The following CCDC66 variants were observed in gnomAD, a reference collection of about 807,000 sequenced individuals.
The protein encoded by CCDC66 is coiled-coil domain containing 66, also known as coiled-coil domain-containing protein 66.
CCDC66 carries 133 observed loss-of-function variants against 128.3 expected under a neutral mutation model. The ratio of observed to expected loss-of-function variants is 1.04; its 90% CI spans 0.90 to 1.20. The LOEUF (loss-of-function observed/expected upper bound fraction) is 1.20. Among genes scored for constraint, CCDC66 ranks in the 50% most tolerant of loss-of-function variants. The pLI, the probability that CCDC66 is intolerant of heterozygous loss-of-function variation, is 0.00. For synonymous variants in CCDC66, 387 were observed against 357.0 expected (o/e 1.08, Z -0.95); for missense variants, 1,126 against 1,075.5 (o/e 1.05, Z -0.66).
Position 56,567,027 on chromosome 3 carries a change from A to G in CCDC66, c.788A>G (p.Lys263Arg), listed in dbSNP as rs1559614052. ...RECDRSSLEA[K>R]KAQWRKELDE... Reference sequence around the variant, plus strand: ...TGTGATAGAAGTTCGTTGGAAGCAAAAAAAGCCCAGTGGAGGAAAGAGCTA... The same window carrying G: ...TGTGATAGAAGTTCGTTGGAAGCAAGAAAAGCCCAGTGGAGGAAAGAGCTA... The change falls in exon 6 of 18, where the codon AAA becomes AGA. Residue 263 changes from lysine (K) to arginine (R), a missense_variant. By Grantham distance (26) the Lys-to-Arg change is conservative. Transcript: ENST00000394672. 6 of 1,614,028 alleles carry G rather than the reference A, an allele frequency of 3.7e-6. No individual in the cohort carries two copies. The highest frequency in any genetic ancestry group is 3.3e-5 in the South Asian group (3 of 91,078).
chr3:56,578,250 A>G (rs2067719466), intron 7 of CCDC66, among the ~76,000 whole-genome samples: 1 of 151,742 alleles, frequency 6.6e-6, no homozygotes, highest in Admixed American at 6.6e-5. Context: ...ATTTTTGCAC[A>G]TTGATTTTGT....
At chr3:56,589,312 CA>C (rs988540270) in intron 7 of CCDC66, among the ~76,000 whole-genome samples, 1 of 152,128 alleles carries the variant, frequency 6.6e-6, no homozygotes, top group Non-Finnish European at 1.5e-5. Context: ...AAAAACCCAA[CA>C]AAATAAACTC....
At chr3:56,562,814 AT>A (rs573450400) in intron 3 of CCDC66, among the ~76,000 whole-genome samples, 219 of 137,724 alleles carry the variant, frequency 1.6e-3, no homozygotes, top group Non-Finnish European at 1.5e-3. Flanking sequence ...AATTTTTTGT[AT>A]TTTTTTTTTT....
chr3:56,604,577 T>C (rs981371460), intron 10 of CCDC66, among the ~76,000 whole-genome samples: 1 of 145,428 alleles, frequency 6.9e-6, no homozygotes, highest in South Asian at 2.2e-4. Flanking sequence ...TTGAAAATTC[T>C]TTTTTTTTTT....
chr3:56,583,082 G>A (rs917380943), intron 7 of CCDC66, among the ~76,000 whole-genome samples: 2 of 151,336 alleles, frequency 1.3e-5, no homozygotes, highest in Non-Finnish European at 2.9e-5. Flanking sequence ...GCTCAGGCTG[G>A]TCTCAAACTC....
chr3:56,586,529 CAAAAAAAA>C (rs148996363), intron 7 of CCDC66, among the ~76,000 whole-genome samples: 169 of 130,628 alleles, frequency 1.3e-3, no homozygotes, highest in African/African-American at 4.5e-3. Context: ...GACTCTTTCT[CAAAAAAAA>C]AAAAAGAAAA....
chr3:56,615,922 T>C lies in CCDC66; in HGVS notation c.1712T>C (p.Val571Ala), dbSNP rs369681089. 5 of 1,590,750 alleles carry C rather than the reference T, an allele frequency of 3.1e-6. No individual in the cohort carries two copies. Among genetic ancestry groups the C allele is most frequent in the Non-Finnish European group, 3.4e-6 (4 of 1,168,324 alleles). Reference protein sequence around the residue: ...DTSRLIKNLGVDTIQMEYNAS... With the variant: ...DTSRLIKNLGADTIQMEYNAS... The stretch of plus-strand genomic sequence containing the variant: ...TTATCAGGTGATTTCTCTTTGCCAG[T>C]TGATACAATACAAATGGAATATAAT... The change falls in exon 13 of 18, where the codon GTT (valine) becomes GCT (alanine). Residue 571 changes from valine (V) to alanine (A), a missense_variant and splice_region_variant. Val to Ala is a moderately conservative substitution (Grantham distance 64, BLOSUM62 0). Transcript: ENST00000394672.
At chr3:56,579,272 A>T (rs1000654793) in intron 7 of CCDC66, among the ~76,000 whole-genome samples, 2 of 151,550 alleles carry the variant, frequency 1.3e-5, no homozygotes, top group Non-Finnish European at 2.9e-5. Flanking sequence ...ATCATTTTTT[A>T]TTGCATCTAT....
chr3:56,608,804 T>C (rs1325175448), intron 10 of CCDC66, among the ~76,000 whole-genome samples: 1 of 152,222 alleles, frequency 6.6e-6, no homozygotes, highest in African/African-American at 2.4e-5. Context: ...ATAGGTTGTG[T>C]CATTACTGTC....
intron 10 of CCDC66, among the ~76,000 whole-genome samples, chr3:56,602,433 T>G (rs560809607): frequency 6.6e-6 from 1 of 151,982 alleles, no homozygotes; most frequent in Non-Finnish European, 1.5e-5. Context: ...GAAATTCTCT[T>G]TTTTTGTTGT....
Position 56,571,228 on chromosome 3 carries a change from T to C in CCDC66, c.862T>C (p.Trp288Arg), listed in dbSNP as rs1327672291. The change falls in exon 7 of 18, where the codon TGG becomes CGG. Residue 288 changes from tryptophan (W) to arginine (R), a missense_variant. Transcript: ENST00000394672. ...KKKEKEVSEK[W>R]NDPWKKSESD... is the part of the protein sequence containing the mutation. ...GAAAGAAAAAGAAGTTTCTGAAAAA[T>C]GGAATGATCCTTGGAAAAAATCTGA... is the stretch of plus-strand genomic sequence containing the variant. 1 of 1,540,846 alleles carries C rather than the reference T, an allele frequency of 6.5e-7. No individual in the cohort carries two copies. The highest frequency in any genetic ancestry group is 1.4e-5 in the African/African-American group (1 of 71,980).
Position 56,616,128 on chromosome 3 carries a change from A to C in CCDC66, c.1843+75A>C, listed in dbSNP as rs528684191. On this transcript the variant is annotated intron_variant, in intron 13 of 17. Coordinates refer to ENST00000394672, the MANE Select transcript of CCDC66 (RefSeq NM_001141947.3). ...ATTAAAGCAGTTAGAATTAAGTTCAATTTAAAAGTTCAAAAATTAACAAAA... is the reference window on the plus strand; with the variant it reads ...ATTAAAGCAGTTAGAATTAAGTTCACTTTAAAAGTTCAAAAATTAACAAAA... 3.0e-3 allele frequency: 4,118 copies of C among 1,361,088 alleles called. 155 individuals are homozygous for C. The South Asian group carries it at 0.052, about 17-fold the overall frequency. The allele number at this position is 1,361,088 out of a possible 1,614,324, so 84.3% of individuals were successfully genotyped here. A position where few individuals can be genotyped will look rare whatever the true frequency, so the allele number is the denominator to read the frequency against.
intron 7 of CCDC66, among the ~76,000 whole-genome samples, chr3:56,589,100 G>T (rs909100681): frequency 6.6e-6 from 1 of 152,066 alleles, no homozygotes; most frequent in Non-Finnish European, 1.5e-5. Context: ...TCATAAAATC[G>T]AGATGAATTA....
At chr3:56,610,294 A>G (rs1037137350) in intron 10 of CCDC66, among the ~76,000 whole-genome samples, 1 of 152,082 alleles carries the variant, frequency 6.6e-6, no homozygotes, top group Non-Finnish European at 1.5e-5. Flanking sequence ...AGAGCATTTC[A>G]TATTTCTAAA....
chr3:56,597,875 A>G (rs559346502), intron 10 of CCDC66, among the ~76,000 whole-genome samples: 16 of 147,726 alleles, frequency 1.1e-4, no homozygotes, highest in African/African-American at 4.0e-4. Context: ...CACAGGTTCA[A>G]GCGATTCTCC....
chr3:56,573,132 A>G (rs939894322), intron 7 of CCDC66, among the ~76,000 whole-genome samples: 2 of 152,260 alleles, frequency 1.3e-5, no homozygotes, highest in East Asian at 1.9e-4. Flanking sequence ...ATGTCAATAT[A>G]TAATTTATTT....
At chr3:56,619,037 G>A (rs1412285892) in intron 15 of CCDC66, 1 of 367,010 alleles carries the variant, frequency 2.7e-6, no homozygotes, top group South Asian at 4.2e-5. Flanking sequence ...TGGCCAACTT[G>A]GTGAACCCCG....
At position 56,619,252 on chromosome 3, in the gene CCDC66, C is replaced by CTATT. The variant is rs1299568495; in HGVS notation, c.2379-17_2379-14dup. Reference sequence around the variant, plus strand: ...CTTAATCTAAATACACAATTTTTTACTATTTTTTTTTTAAATAGGTCTCCA... The same window carrying CTATT: ...CTTAATCTAAATACACAATTTTTTACTATTTATTTTTTTTTTAAATAGGTCTCCA... On this transcript the variant is annotated intron_variant, in intron 15 of 17. Transcript: ENST00000394672. 2.0e-6 allele frequency: 3 copies of CTATT among 1,524,054 alleles called. No individual in the cohort carries two copies. The highest frequency in any genetic ancestry group is 2.6e-6 in the Non-Finnish European group (3 of 1,132,172). The allele number at this position is 1,524,054 out of a possible 1,614,324, so 94.4% of individuals were successfully genotyped here.
chr3:56,602,289 A>G (rs1018254358), intron 10 of CCDC66, among the ~76,000 whole-genome samples: 1 of 152,038 alleles, frequency 6.6e-6, no homozygotes, highest in African/African-American at 2.4e-5. Flanking sequence ...TTTCCATATG[A>G]TGAACCAGCC....
Sources: allele counts gnomAD v4.1 joint callset (sites outside exome capture counted in the v4.1 genomes callset), GRCh38; gene constraint gnomAD v4.1.1; transcripts MANE v1.5; gene names NCBI Gene and HGNC (gene_info 2026-07-23, HGNC 2026-07-21).